The following RGS13 variants were observed in gnomAD, a reference collection of about 807,000 sequenced individuals.
RGS13 encodes regulator of G-protein signalling 13.
A neutral mutation model predicts 19.9 loss-of-function variants in RGS13; 14 were observed. The ratio of observed to expected loss-of-function variants is 0.70; its 90% CI spans 0.46 to 1.10. The LOEUF (loss-of-function observed/expected upper bound fraction) is 1.10. Ranked by LOEUF, RGS13 falls within the 50% of genes least tolerant of loss-of-function variation. RGS13 has a pLI of 0.00. For synonymous variants in RGS13, 60 were observed against 56.8 expected (o/e 1.06, Z -0.25); for missense variants, 205 against 187.1 (o/e 1.10, Z -0.56).
intron 5 of RGS13, among the ~76,000 whole-genome samples, chr1:192,652,810 G>A (rs1177278639): frequency 6.6e-6 from 1 of 152,010 alleles, no homozygotes; most frequent in Non-Finnish European, 1.5e-5. Context: ...TATATAGCAA[G>A]CAGTGTTGAG....
Position 192,644,318 on chromosome 1 carries a change from T to C in RGS13, c.-4-13T>C, listed in dbSNP as rs1370678590. On this transcript the variant is annotated splice_polypyrimidine_tract_variant and intron_variant, in intron 3 of 6. Coordinates refer to ENST00000391995, the MANE Select transcript of RGS13 (RefSeq NM_002927.5). ...ATGATTAAATTATACAAATATATAC[T>C]GTATTTCCTTAGAAAAATGAGCAGG... The C allele has an allele frequency of 6.3e-7, 1 of 1,577,234 alleles. No individual in the cohort carries two copies. The highest frequency in any genetic ancestry group is 8.7e-7 in the Non-Finnish European group (1 of 1,148,360).
intron 5 of RGS13, among the ~76,000 whole-genome samples, chr1:192,656,723 C>A (rs1663450993): frequency 6.6e-6 from 1 of 152,002 alleles, no homozygotes; most frequent in Non-Finnish European, 1.5e-5. Context: ...GTCCATGTTT[C>A]AATTTTGAGT....
rs191675668 is a variant in RGS13 at position 192,650,921 on chromosome 1, G to A, written c.127+2934G>A. The stretch of plus-strand genomic sequence containing the variant: ...ACTAAAGTAGAGAGACTAGCTAGAA[G>A]GCTGCTACAATAATTCAGATAAAAT... On this transcript the variant is annotated intron_variant, in intron 5 of 6. Transcript: ENST00000391995. 4.6e-5 allele frequency among the ~76,000 whole-genome samples: 7 copies of A among 152,024 alleles called. No individual in the cohort carries two copies. In the East Asian group the frequency reaches 1.4e-3, roughly 29 times the overall value.
At chr1:192,642,322 CTTTT>C (rs200314337) in intron 3 of RGS13, among the ~76,000 whole-genome samples, 3 of 136,592 alleles carry the variant, frequency 2.2e-5, no homozygotes, top group Admixed American at 1.5e-4. Flanking sequence ...AACATAATTC[CTTTT>C]TTTTTTTTTT....
chr1:192,659,293 TCAAC>T (rs1252933507), intron 6 of RGS13, 41 bp from the exon 7 acceptor site: 6 of 1,472,534 alleles, frequency 4.1e-6, no homozygotes, highest in Middle Eastern at 3.5e-4. Flanking sequence ...TGCCTTTTTT[TCAAC>T]TATGCTAACT....
Position 192,647,969 on chromosome 1 carries a change from A to G in RGS13, c.109A>G (p.Asn37Asp), listed in dbSNP as rs528778467. The G allele has an allele frequency of 1.9e-5, 31 of 1,600,004 alleles. No individual in the cohort carries two copies. The African/African-American group carries it at 3.4e-4, about 17-fold the overall frequency. ...EVLQWAQSFENLMATKYGPVV... is the reference protein window; with the variant it reads ...EVLQWAQSFEDLMATKYGPVV... ...ATTACAGTGGGCCCAGTCTTTTGAA[A>G]ATTTAATGGCTACAAAATGTGAGTA... Residue 37 changes from asparagine (N) to aspartate (D), a missense_variant, in exon 5 of 7, where the codon AAT (asparagine) becomes GAT (aspartate). Transcript: ENST00000391995.
chr1:192,641,218 A>G (rs867021980), intron 3 of RGS13, among the ~76,000 whole-genome samples: 54 of 60,022 alleles, frequency 9.0e-4, no homozygotes, highest in African/African-American at 2.7e-3. Context: ...GAAAGAAAGA[A>G]AGAGAGAAAG....
intron 4 of RGS13, chr1:192,645,116 T>TTCTC (rs1663192677): frequency 6.6e-6 from 1 of 152,290 alleles, no homozygotes; most frequent in African/African-American, 2.4e-5. Flanking sequence ...GCTGCAATGG[T>TTCTC]GGTCAGAGGA....
chr1:192,652,797 TG>T (rs138589962), intron 5 of RGS13, among the ~76,000 whole-genome samples: 3,942 of 152,120 alleles, frequency 0.026, 77 homozygotes, highest in Admixed American at 0.038. Flanking sequence ...ATTCAGTGCC[TG>T]CTATATAGCA....
chr1:192,659,276 C>A, intron 6 of RGS13, 62 bp from the exon 7 acceptor site: 1 of 1,242,872 alleles, frequency 8.0e-7, no homozygotes. Context: ...AACCTTTCTA[C>A]TATATGTGCC....
In RGS13 at chr1:192,644,377, G is replaced by A. The variant is rs778405785; in HGVS notation, c.43G>A (p.Glu15Lys). 6 of 1,611,584 alleles carry A rather than the reference G, an allele frequency of 3.7e-6. No homozygotes were observed. In the Admixed American group the frequency reaches 6.7e-5, roughly 18 times the overall value. Reference sequence around the variant, plus strand: ...TTGGATTTGTAAGATGTGCAGAGATGAATCTAAGAGGCCCCCTTCAAAGTA... The same window carrying A: ...TTGGATTTGTAAGATGTGCAGAGATAAATCTAAGAGGCCCCCTTCAAAGTA... ...NCWICKMCRDESKRPPSNLTL... is the reference protein window; with the variant it reads ...NCWICKMCRDKSKRPPSNLTL... Residue 15 changes from glutamate to lysine, a missense_variant, in exon 4 of 7, where the codon GAA becomes AAA. Coordinates refer to ENST00000391995, the MANE Select transcript of RGS13 (RefSeq NM_002927.5).
intron 5 of RGS13, among the ~76,000 whole-genome samples, chr1:192,649,710 C>T (rs1238725462): frequency 6.6e-6 from 1 of 152,124 alleles, no homozygotes; most frequent in Non-Finnish European, 1.5e-5. Flanking sequence ...TCTACTTGTA[C>T]ATCTATGATT....
At chr1:192,642,804 T>C (rs1229908369) in intron 3 of RGS13, among the ~76,000 whole-genome samples, 1 of 152,124 alleles carries the variant, frequency 6.6e-6, no homozygotes, top group East Asian at 1.9e-4. Flanking sequence ...CCTAGGTGTA[T>C]TCACAACCCC....
At chr1:192,648,100 G>T (rs1663253395) in intron 5 of RGS13, 113 bp downstream of exon 5, 2 of 590,850 alleles carry the variant, frequency 3.4e-6, no homozygotes. Flanking sequence ...CCTTCTAACT[G>T]GCAACTGACA....
At chr1:192,645,966 T>C (rs1306437648) in intron 4 of RGS13, 8 of 152,150 alleles carry the variant, frequency 5.3e-5, no homozygotes, top group Admixed American at 3.9e-4. Flanking sequence ...CCCTATATAA[T>C]GGGAATGATT....
At position 192,658,145 on chromosome 1, in the gene RGS13, GA is replaced by G. The variant is rs1558053977; in HGVS notation, c.128-55del. Reference sequence around the variant, plus strand: ...GGCTTTTTTTTAACTGTATTGCTTAGATTTTTTTGGTGATTTTGACCCATGA... The same window carrying G: ...GGCTTTTTTTTAACTGTATTGCTTAGTTTTTTTGGTGATTTTGACCCATGA... On this transcript the variant is annotated intron_variant, in intron 5 of 6. Coordinates refer to ENST00000391995, the MANE Select transcript of RGS13 (RefSeq NM_002927.5). 4 of 1,353,118 alleles carry G rather than the reference GA, an allele frequency of 3.0e-6. No individual in the cohort carries two copies. The African/African-American group carries it at 5.9e-5, about 20-fold the overall frequency. 83.8% of individuals were successfully genotyped at this position (1,353,118 alleles called of 1,614,324 possible).
At chr1:192,636,568 G>A (rs955602955) in intron 1 of RGS13, among the ~76,000 whole-genome samples, 8 of 151,852 alleles carry the variant, frequency 5.3e-5, no homozygotes, top group African/African-American at 1.9e-4. Flanking sequence ...CAGTTTTAAA[G>A]TATATTATTT....
chr1:192,638,522 T>C (rs1372363847), intron 3 of RGS13, among the ~76,000 whole-genome samples: 1 of 152,088 alleles, frequency 6.6e-6, no homozygotes, highest in Non-Finnish European at 1.5e-5. Flanking sequence ...ATGGTACGTG[T>C]GAATCCAGTA....
chr1:192,652,319 G>T (rs1335883090), intron 5 of RGS13, among the ~76,000 whole-genome samples: 2 of 151,970 alleles, frequency 1.3e-5, no homozygotes, highest in African/African-American at 2.4e-5. Context: ...GCTCCCTTTT[G>T]TACATCCTGA....
Sources: gnomAD v4.1 joint callset for allele counts (sites outside exome capture counted in the v4.1 genomes callset) on GRCh38, gnomAD v4.1.1 for gene constraint, MANE v1.5 for transcripts, NCBI Gene and HGNC (gene_info 2026-07-23, HGNC 2026-07-21) for gene names.